The following HAAO variants were observed in gnomAD, a reference collection of about 807,000 sequenced individuals.
The protein encoded by HAAO is 3-hydroxyanthranilate oxygenase.
Under a neutral mutation model 46.2 loss-of-function variants are expected in HAAO, and 49 were observed. That is an observed-to-expected ratio of 1.06 (90% CI 0.84 to 1.34). The LOEUF (loss-of-function observed/expected upper bound fraction) is 1.34, where lower values mean the gene tolerates loss of function less well. Ranked by LOEUF, HAAO falls within the 40% of genes most tolerant of loss-of-function variation. The pLI, the probability that HAAO is intolerant of heterozygous loss-of-function variation, is 0.00. For synonymous variants in HAAO, 157 were observed against 145.2 expected (o/e 1.08, Z -0.58); for missense variants, 408 against 364.5 (o/e 1.12, Z -0.97).
At chr2:42,783,895 C>G in intron 2 of HAAO, 28 bp from the exon 3 acceptor site, 4 of 1,591,756 alleles carry the variant, frequency 2.5e-6, no homozygotes, top group Non-Finnish European at 3.4e-6. Flanking sequence ...GGCTTGGACC[C>G]TCCGCACTTT....
At chr2:42,774,709 G>C (rs1671406136) in intron 4 of HAAO, among the ~76,000 whole-genome samples, 1 of 152,100 alleles carries the variant, frequency 6.6e-6, no homozygotes, top group African/African-American at 2.4e-5. Context: ...TTAACAATCA[G>C]GTGCTCTTAA....
intron 6 of HAAO, 100 bp from the exon 7 acceptor site, chr2:42,769,958 C>A: frequency 7.6e-7 from 1 of 1,314,334 alleles, no homozygotes; most frequent in East Asian, 2.3e-5. Context: ...ATTGCCAGAA[C>A]AGGCTCTGTA....
intron 7 of HAAO, 135 bp downstream of exon 7, chr2:42,769,577 GT>G: frequency 1.7e-5 from 1 of 58,456 alleles, no homozygotes; most frequent in Non-Finnish European, 2.4e-5. Flanking sequence ...AAATGTGTGT[GT>G]GTGTGTGTGT....
chr2:42,769,222 C>T (rs902261278), intron 7 of HAAO, among the ~76,000 whole-genome samples: 1 of 152,202 alleles, frequency 6.6e-6, no homozygotes, highest in Non-Finnish European at 1.5e-5. Context: ...TCCTACTCTC[C>T]CACTAAAGCC....
At chr2:42,780,240 G>T (rs183250646) in intron 4 of HAAO, among the ~76,000 whole-genome samples, 1 of 139,852 alleles carries the variant, frequency 7.2e-6, no homozygotes, top group Non-Finnish European at 1.5e-5. Context: ...ATGGAGTCTC[G>T]CTCTGTTGCC....
intron 1 of HAAO, among the ~76,000 whole-genome samples, 183 bp from the exon 2 acceptor site, chr2:42,788,790 T>A (rs1467666219): frequency 6.6e-6 from 1 of 151,414 alleles, no homozygotes; most frequent in Non-Finnish European, 1.5e-5. Context: ...TCTAAGTGTC[T>A]ATGTGTCTGG....
In HAAO at chr2:42,767,358, G is replaced by A. The variant is rs915299873; in HGVS notation, c.*79C>T. The A allele has an allele frequency of 3.2e-6, 3 of 938,948 alleles. No individual in the cohort carries two copies. Among genetic ancestry groups the A allele is most frequent in the African/African-American group, 3.2e-5 (2 of 62,134 alleles). The allele number at this position is 938,948 out of a possible 1,614,324, so 58.2% of individuals were successfully genotyped here. ...GGCAGTACACAGAGAGGTAGTGGGG[G>A]CTGGGAGAGTTGTTTGGCAGGGATG... On this transcript the variant is annotated 3_prime_UTR_variant, in exon 10 of 10. Transcript: ENST00000294973.
At chr2:42,788,400 C>T (rs1431407568) in intron 2 of HAAO, 129 bp downstream of exon 2, 4 of 705,864 alleles carry the variant, frequency 5.7e-6, no homozygotes, top group Admixed American at 2.0e-5. Context: ...GTGCCCCCTC[C>T]ACTCATCAGC....
At position 42,783,775 on chromosome 2, in the gene HAAO, C is replaced by T. The variant is rs369155457; in HGVS notation, c.243+9G>A. 98 of 1,608,218 alleles carry T rather than the reference C, an allele frequency of 6.1e-5. No individual in the cohort carries two copies. Among genetic ancestry groups the T allele is most frequent in the East Asian group, 2.7e-4 (12 of 44,780 alleles). On this transcript the variant is annotated intron_variant, in intron 3 of 9. Transcript: ENST00000294973. ...TTCTCTTCCCCACCCTGCTGGGATC[C>T]GGCCTCACCTCTCCCTGCCGAATGA...
intron 1 of HAAO, chr2:42,789,166 T>G (rs1261104963): frequency 1.3e-5 from 2 of 159,784 alleles, no homozygotes; most frequent in Admixed American, 1.2e-4. Flanking sequence ...ACTAACCTTA[T>G]CTGTAAAATA....
intron 7 of HAAO, 84 bp downstream of exon 7, chr2:42,769,629 G>C: frequency 9.1e-7 from 1 of 1,098,080 alleles, no homozygotes; most frequent in Non-Finnish European, 1.3e-6. Context: ...AAGAGAGAGA[G>C]AGAGAGGCAG....
intron 4 of HAAO, 48 bp from the exon 5 acceptor site, chr2:42,770,630 T>C: frequency 1.5e-6 from 2 of 1,301,060 alleles, no homozygotes; most frequent in Non-Finnish European, 2.1e-6. Context: ...TCTGGGTGGC[T>C]TCAGGGCAGC....
chr2:42,792,320 C>G (rs996573394), intron 1 of HAAO, 137 bp downstream of exon 1: 44 of 508,014 alleles, frequency 8.7e-5, no homozygotes, highest in South Asian at 8.3e-5. Context: ...TCTCCATCTT[C>G]CCCCAAGAAC....
intron 2 of HAAO, among the ~76,000 whole-genome samples, chr2:42,786,757 T>C (rs1362734186): frequency 4.0e-5 from 6 of 151,520 alleles, no homozygotes; most frequent in Non-Finnish European, 8.8e-5. Flanking sequence ...CGCTGGGGAG[T>C]GGGGAGCCGG....
chr2:42,782,990 AC>A (rs34837864), intron 4 of HAAO: 54,047 of 446,138 alleles, frequency 0.12, 5,681 homozygotes, highest in African/African-American at 0.33. Context: ...GGCAAAACAA[AC>A]TTTTAAATTA....
At position 42,770,194 on chromosome 2, in the gene HAAO, G is replaced by T; in HGVS notation, c.441-8C>A. 1 of 1,594,622 alleles carries T rather than the reference G, an allele frequency of 6.3e-7. No individual in the cohort carries two copies. The highest frequency in any genetic ancestry group is 8.6e-7 in the Non-Finnish European group (1 of 1,169,104). ...TGCTCAGAGCTGAAGAACCTGCAAG[G>T]ACGAACAGGGAGGAGCAGGAGTGGC... On this transcript the variant is annotated splice_polypyrimidine_tract_variant and splice_region_variant and intron_variant, in intron 5 of 9. Transcript: ENST00000294973.
chr2:42,767,965 T>G lies in HAAO; in HGVS notation c.631-37A>C, dbSNP rs781650361. On this transcript the variant is annotated intron_variant, in intron 7 of 9. Coordinates refer to ENST00000294973, the MANE Select transcript of HAAO (RefSeq NM_012205.3). Reference sequence around the variant, plus strand: ...TGAAACAGAAACTTCTGGTGCTTCTTGCCCCACATGGGAGATGGTCTTGAA... The same window carrying G: ...TGAAACAGAAACTTCTGGTGCTTCTGGCCCCACATGGGAGATGGTCTTGAA... 3.2e-6 allele frequency: 5 copies of G among 1,573,436 alleles called. No individual in the cohort carries two copies. The African/African-American group carries it at 6.7e-5, about 21-fold the overall frequency.
intron 1 of HAAO, among the ~76,000 whole-genome samples, chr2:42,789,760 C>T (rs1672652542): frequency 6.6e-6 from 1 of 152,172 alleles, no homozygotes; most frequent in African/African-American, 2.4e-5. Context: ...TCCCAAACTC[C>T]TCAGTCTTTC....
chr2:42,770,129 C>G lies in HAAO; in HGVS notation c.484+14G>C. On this transcript the variant is annotated intron_variant, in intron 6 of 9. Coordinates refer to ENST00000294973, the MANE Select transcript of HAAO (RefSeq NM_012205.3). ...GAGGGAGGGAAGGAGAAGGGCAGTTCCCAGCGGCCTCACCAGGGATGGGCT... is the reference window on the plus strand; with the variant it reads ...GAGGGAGGGAAGGAGAAGGGCAGTTGCCAGCGGCCTCACCAGGGATGGGCT... 6.2e-7 allele frequency: 1 copy of G among 1,602,704 alleles called. No homozygotes were observed. The highest frequency in any genetic ancestry group is 2.3e-5 in the East Asian group (1 of 44,372).
Sources: allele counts gnomAD v4.1 joint callset (sites outside exome capture counted in the v4.1 genomes callset), GRCh38; gene constraint gnomAD v4.1.1; transcripts MANE v1.5; gene names NCBI Gene and HGNC (gene_info 2026-07-23, HGNC 2026-07-21).